STK32B: variants seen among roughly 807,000 people sequenced by gnomAD.
STK32B encodes the protein serine/threonine-protein kinase 32B.
STK32B carries 43 observed loss-of-function variants against 52.6 expected under a neutral mutation model. The ratio of observed to expected loss-of-function variants is 0.82; its 90% confidence interval spans 0.64 to 1.05. The LOEUF is 1.05. Among genes scored for constraint, STK32B ranks in the 50% least tolerant of loss-of-function variants. The probability of loss-of-function intolerance (pLI) is 0.00; values close to 1 mark genes in which losing one functional copy is unlikely to be tolerated. For synonymous variants in STK32B, 238 were observed against 204.3 expected (o/e 1.17, Z -1.41); for missense variants, 621 against 534.6 (o/e 1.16, Z -1.59).
chr4:5,342,443 C>T (rs1471102877), intron 4 of STK32B, among the ~76,000 whole-genome samples: 3 of 152,138 alleles, frequency 2.0e-5, no homozygotes, highest in African/African-American at 2.4e-5. Context: ...AGCAAACTAT[C>T]GCAAGGATAG....
chr4:5,205,754 T>C (rs961596446), intron 3 of STK32B, among the ~76,000 whole-genome samples: 1 of 151,826 alleles, frequency 6.6e-6, no homozygotes, highest in African/African-American at 2.4e-5. Flanking sequence ...GTTTGAACTG[T>C]GTAAGCCTGG....
intron 1 of STK32B, among the ~76,000 whole-genome samples, chr4:5,088,219 A>C (rs1712844416): frequency 6.6e-6 from 1 of 152,140 alleles, no homozygotes; most frequent in Non-Finnish European, 1.5e-5. Flanking sequence ...TTTGAGGTGA[A>C]TAAAAATGAA....
At chr4:5,097,892 A>C (rs907828573) in intron 1 of STK32B, among the ~76,000 whole-genome samples, 1 of 152,234 alleles carries the variant, frequency 6.6e-6, no homozygotes, top group Non-Finnish European at 1.5e-5. Context: ...CTGGGGAGTT[A>C]TGCTAACCTG....
At chr4:5,159,574 TGAA>T (rs1391454895) in intron 2 of STK32B, among the ~76,000 whole-genome samples, 2 of 56,116 alleles carry the variant, frequency 3.6e-5, no homozygotes, top group African/African-American at 3.9e-4. Context: ...TGAATATATA[TGAA>T]TATATATATG....
chr4:5,282,103 G>A (rs911419468), intron 3 of STK32B, among the ~76,000 whole-genome samples: 3 of 152,124 alleles, frequency 2.0e-5, no homozygotes, highest in African/African-American at 7.2e-5. Context: ...ATTTGATGAT[G>A]AGACATTTGA....
At chr4:5,114,585 A>C (rs1008654941) in intron 1 of STK32B, among the ~76,000 whole-genome samples, 2 of 152,188 alleles carry the variant, frequency 1.3e-5, no homozygotes, top group Non-Finnish European at 2.9e-5. Context: ...GCACTTTCCC[A>C]CTAGACTGCT....
chr4:5,291,955 C>G (rs1728919041), intron 3 of STK32B, among the ~76,000 whole-genome samples: 1 of 151,970 alleles, frequency 6.6e-6, no homozygotes, highest in Non-Finnish European at 1.5e-5. Context: ...AACCCATCGC[C>G]CAGATAGCAA....
At chr4:5,383,334 CT>C (rs531045571) in intron 4 of STK32B, among the ~76,000 whole-genome samples, 11 of 152,338 alleles carry the variant, frequency 7.2e-5, no homozygotes, top group African/African-American at 2.6e-4. Context: ...CCACCTACCC[CT>C]GGGACTCAAC....
At chr4:5,336,190 G>A (rs1732682135) in intron 4 of STK32B, among the ~76,000 whole-genome samples, 1 of 149,388 alleles carries the variant, frequency 6.7e-6, no homozygotes, top group Non-Finnish European at 1.5e-5. Flanking sequence ...ACACAACTGA[G>A]ATCAAAGAAT....
At chr4:5,220,005 G>A (rs1355894337) in intron 3 of STK32B, among the ~76,000 whole-genome samples, 1 of 152,162 alleles carries the variant, frequency 6.6e-6, no homozygotes, top group Non-Finnish European at 1.5e-5. Flanking sequence ...CAAACTTGCT[G>A]TAATTATAAG....
rs1287809934 is a variant in STK32B, at chr4:5,470,636, A to G, written c.1106+2566A>G. ...CATCAGCCGACCCCATCCCCACCTCATCTTGTGGGAAGAGAGCCATGCTCC... is the reference window on the plus strand; with the variant it reads ...CATCAGCCGACCCCATCCCCACCTCGTCTTGTGGGAAGAGAGCCATGCTCC... On this transcript the variant is annotated intron_variant, in intron 11 of 11. Transcript: ENST00000282908. This position sits in a 1 kb window ranked among gnomAD's most constrained non-coding sequence, Gnocchi z 4.6. Among the ~76,000 whole-genome samples the G allele has an allele frequency of 2.0e-5, 3 of 151,306 alleles. No homozygotes were observed. The highest frequency in any genetic ancestry group is 2.9e-5 in the Non-Finnish European group (2 of 67,946).
chr4:5,231,763 A>G (rs542739937), intron 3 of STK32B, among the ~76,000 whole-genome samples: 2 of 152,322 alleles, frequency 1.3e-5, no homozygotes, highest in East Asian at 1.9e-4. Flanking sequence ...GAAGCAGAGG[A>G]TACAAGGGTG....
At position 5,320,671 on chromosome 4, in the gene STK32B, G is replaced by A. The variant is rs190553627; in HGVS notation, c.261-10549G>A. 3.0e-3 allele frequency among the ~76,000 whole-genome samples: 454 copies of A among 152,282 alleles called. 2 individuals are homozygous for A. Among genetic ancestry groups the A allele is most frequent in the African/African-American group, 0.011 (441 of 41,564 alleles). On this transcript the variant is annotated intron_variant, in intron 3 of 11. Coordinates refer to ENST00000282908, the MANE Select transcript of STK32B (RefSeq NM_018401.3). ...CACAGGGATGTGCGTCTTAGACACT[G>A]CTGAGGGTAAACAAGACCATGTTAC... is the stretch of plus-strand genomic sequence containing the variant.
intron 3 of STK32B, among the ~76,000 whole-genome samples, chr4:5,190,714 C>T (rs963408929): frequency 5.9e-5 from 9 of 152,142 alleles, no homozygotes; most frequent in Admixed American, 1.3e-4. Flanking sequence ...TCACAGGAAA[C>T]GCTGAGACTG....
At chr4:5,153,855 T>C (rs931886350) in intron 2 of STK32B, among the ~76,000 whole-genome samples, 9 of 152,292 alleles carry the variant, frequency 5.9e-5, no homozygotes, top group Admixed American at 5.2e-4. Flanking sequence ...ACAAAGTCAA[T>C]ATAAAAAACT....
chr4:5,021,653 A>G, the STK32B span, among the ~76,000 whole-genome samples: 4 of 152,228 alleles, frequency 2.6e-5, no homozygotes, highest in East Asian at 3.8e-4. Context: ...AACAGGAGTC[A>G]TTTGTGAGAT....
rs1193462359 is a variant in STK32B at position 5,489,621 on chromosome 4, A to ATTTTTTTTT, written c.1107-9318_1107-9317insTTTTTTTTT. Among the ~76,000 whole-genome samples, 6 of 151,700 alleles carry ATTTTTTTTT rather than the reference A, an allele frequency of 4.0e-5. No homozygotes were observed. The East Asian group carries it at 1.2e-3, about 30-fold the overall frequency. On this transcript the variant is annotated intron_variant, in intron 11 of 11. Transcript: ENST00000282908. ...ACAACAATTTTATTTTATTTTATTTATTTTTTATTATTTTTTTTGAGATGG... is the reference window on the plus strand; with the variant it reads ...ACAACAATTTTATTTTATTTTATTTATTTTTTTTTTTTTTTATTATTTTTTTTGAGATGG...
At position 5,396,886 on chromosome 4, in the gene STK32B, A is replaced by T. The variant is rs1043850507; in HGVS notation, c.435-1321A>T. On this transcript the variant is annotated intron_variant, in intron 4 of 11. Transcript: ENST00000282908. The surrounding 1 kb of genome is among the most constrained non-coding windows in gnomAD (Gnocchi z 4.7). Reference sequence around the variant, plus strand: ...TTTGTTTTAATTTTATAAGTTCTCAAGTTCATCCCTCCCATGTGGCTCCCT... The same window carrying T: ...TTTGTTTTAATTTTATAAGTTCTCATGTTCATCCCTCCCATGTGGCTCCCT... Among the ~76,000 whole-genome samples the T allele has an allele frequency of 6.6e-6, 1 of 152,094 alleles. No individual in the cohort carries two copies. Among genetic ancestry groups the T allele is most frequent in the Non-Finnish European group, 1.5e-5 (1 of 68,030 alleles).
chr4:5,495,766 C>G (rs1189262663), intron 11 of STK32B, among the ~76,000 whole-genome samples: 1 of 152,230 alleles, frequency 6.6e-6, no homozygotes, highest in South Asian at 2.1e-4. Context: ...TGTGGATGTC[C>G]TTTCTGTTTG....
Sources: gnomAD v4.1 joint callset for allele counts (sites outside exome capture counted in the v4.1 genomes callset) on GRCh38, gnomAD v4.1.1 for gene constraint, Gnocchi (gnomAD v3.1) non-coding constraint, MANE v1.5 for transcripts, NCBI Gene and HGNC (gene_info 2026-07-23, HGNC 2026-07-21) for gene names.